Variants in MFHAS1 observed in about 807,000 individuals in gnomAD.
MFHAS1 encodes the protein multifunctional ROCO family signaling regulator 1, also known as malignant fibrous histiocytoma-amplified sequence 1.
A neutral mutation model predicts 70.4 loss-of-function variants in MFHAS1; 50 were observed. The observed-to-expected ratio is 0.71, with a 90% CI of 0.57 to 0.90. The LOEUF (loss-of-function observed/expected upper bound fraction) is 0.90. Among genes scored for constraint, MFHAS1 ranks in the 40% least tolerant of loss-of-function variants. The pLI is 0.00. For missense variants in MFHAS1, 1,795 were observed against 1,347.6 expected, an observed-to-expected ratio of 1.33 and a Z score of -5.20; for synonymous variants, 952 against 620.0, an observed-to-expected ratio of 1.54 and a Z score of -7.96.
At chr8:8,849,946 G>C (rs1038844438) in intron 1 of MFHAS1, among the ~76,000 whole-genome samples, 1 of 152,232 alleles carries the variant, frequency 6.6e-6, no homozygotes, top group Non-Finnish European at 1.5e-5. Flanking sequence ...GAAGCTGCTA[G>C]ACTTTCTCAG....
intron 1 of MFHAS1, among the ~76,000 whole-genome samples, chr8:8,834,446 C>G (rs1807525177): frequency 6.6e-6 from 1 of 152,194 alleles, no homozygotes; most frequent in Non-Finnish European, 1.5e-5. Context: ...GAGACGTGCC[C>G]TATACAAGTG....
rs762238123 is a variant in MFHAS1 at position 8,862,132 on chromosome 8, T to C, written c.2998+27929A>G. On this transcript the variant is annotated intron_variant, in intron 1 of 2. Coordinates refer to ENST00000276282, the MANE Select transcript of MFHAS1 (RefSeq NM_004225.3). The stretch of plus-strand genomic sequence containing the variant: ...AACTGTTTCCCCAAATGCTGTATCA[T>C]TTTCCACTCCCAAGAGCAGCGTAGG... Among the ~76,000 whole-genome samples, 17 of 152,220 alleles carry C rather than the reference T, an allele frequency of 1.1e-4. 1 individual carries two copies. Among genetic ancestry groups the C allele is most frequent in the Non-Finnish European group, 2.2e-4 (15 of 68,042 alleles).
At chr8:8,876,592 G>T (rs984140281) in intron 1 of MFHAS1, among the ~76,000 whole-genome samples, 1 of 151,812 alleles carries the variant, frequency 6.6e-6, no homozygotes, top group East Asian at 2.0e-4. Context: ...AAAATTAGCC[G>T]GGCATAGTGG....
At chr8:8,794,291 G>A (rs1485819522) in intron 2 of MFHAS1, among the ~76,000 whole-genome samples, 1 of 152,120 alleles carries the variant, frequency 6.6e-6, no homozygotes, top group African/African-American at 2.4e-5. Context: ...AATGTCTAGT[G>A]CCTGCTGAGA....
rs532457203 is a variant in MFHAS1, at chr8:8,810,066, T to C, written c.2999-12575A>G. On this transcript the variant is annotated intron_variant, in intron 1 of 2. Transcript: ENST00000276282. Reference sequence around the variant, plus strand: ...ACTAAGGGGAATCATGTGAAGTCCTTAATAATGATCAGAAGCCAGGCCGGG... The same window carrying C: ...ACTAAGGGGAATCATGTGAAGTCCTCAATAATGATCAGAAGCCAGGCCGGG... 9.8e-5 allele frequency among the ~76,000 whole-genome samples: 15 copies of C among 152,304 alleles called. No individual in the cohort carries two copies. The South Asian group carries it at 2.7e-3, about 27-fold the overall frequency.
rs775619271 is a variant in MFHAS1 at position 8,891,133 on chromosome 8, C to G, written c.1926G>C (p.Leu642Phe). 6.2e-7 allele frequency: 1 copy of G among 1,613,776 alleles called. No homozygotes were observed. The change falls in exon 1 of 3, where the codon TTG becomes TTC. Residue 642 changes from leucine (L) to phenylalanine (F), a missense_variant. Coordinates refer to ENST00000276282, the MANE Select transcript of MFHAS1 (RefSeq NM_004225.3). This position sits in a 1 kb window ranked among gnomAD's most constrained non-coding sequence, Gnocchi z 5.4. ...PRHLRRLRDK[L>F]LSVAEHREIF... is the part of the protein sequence containing the mutation. ...TCTCTCGGTGCTCAGCAACTGACAG[C>G]AACTTGTCCCGAAGGCGTCGTAAGT...
chr8:8,814,844 A>G (rs1272183151), intron 1 of MFHAS1, among the ~76,000 whole-genome samples: 1 of 125,450 alleles, frequency 8.0e-6, no homozygotes, highest in African/African-American at 3.0e-5. Flanking sequence ...TGCCTGCTAG[A>G]ATTTCTTTTT....
intron 1 of MFHAS1, among the ~76,000 whole-genome samples, chr8:8,842,790 A>T (rs756052844): frequency 1.3e-5 from 2 of 152,214 alleles, no homozygotes; most frequent in Non-Finnish European, 2.9e-5. Context: ...CACCATCATG[A>T]GAAATCCCAG....
At chr8:8,829,624 T>A (rs536416392) in intron 1 of MFHAS1, among the ~76,000 whole-genome samples, 3 of 152,258 alleles carry the variant, frequency 2.0e-5, no homozygotes, top group East Asian at 3.9e-4. Context: ...GAGGTTGCAG[T>A]GAGCCGAGAT....
rs1203768318 is a variant in MFHAS1, at chr8:8,794,292, C to T, written c.3125+3073G>A. Among the ~76,000 whole-genome samples the T allele has an allele frequency of 2.6e-5, 4 of 152,174 alleles. No individual in the cohort carries two copies. The South Asian group carries it at 8.3e-4, about 32-fold the overall frequency. ...AGCCCCGGACTTCCAATGTCTAGTGCCTGCTGAGACCCCAAGTCTCAGGCT... is the reference window on the plus strand; with the variant it reads ...AGCCCCGGACTTCCAATGTCTAGTGTCTGCTGAGACCCCAAGTCTCAGGCT... On this transcript the variant is annotated intron_variant, in intron 2 of 2. Transcript: ENST00000276282.
intron 1 of MFHAS1, among the ~76,000 whole-genome samples, chr8:8,808,627 G>A (rs1308038038): frequency 6.6e-6 from 1 of 152,170 alleles, no homozygotes; most frequent in Non-Finnish European, 1.5e-5. Flanking sequence ...TGTGAAAAAG[G>A]AAAAATAAAT....
intron 1 of MFHAS1, among the ~76,000 whole-genome samples, chr8:8,801,208 C>T (rs1358608531): frequency 1.3e-5 from 2 of 151,302 alleles, no homozygotes; most frequent in Non-Finnish European, 2.9e-5. Context: ...GGGTGAGACT[C>T]TGTCTCAAAA....
At position 8,892,872 on chromosome 8, in the gene MFHAS1, C is replaced by A. The variant is rs745526921; in HGVS notation, c.187G>T (p.Gly63Trp). Residue 63 changes from glycine to tryptophan, a missense_variant, in exon 1 of 3, where the codon GGG becomes TGG. By Grantham distance (184) the Gly-to-Trp change is radical. Coordinates refer to ENST00000276282, the MANE Select transcript of MFHAS1 (RefSeq NM_004225.3). The surrounding 1 kb of genome is among the most constrained non-coding windows in gnomAD (Gnocchi z 4.7). ...CCCAGGTTCAGTGCCTCAATGTCCC[C>A]GAGGTTGGCCGGCAGCACGAGCTGG... ...SPQLVLPANL[G>W]DIEALNLGNN... The A allele has an allele frequency of 4.4e-6, 7 of 1,587,604 alleles. No homozygotes were observed. In the South Asian group the frequency reaches 6.8e-5, roughly 15 times the overall value.
intron 2 of MFHAS1, among the ~76,000 whole-genome samples, chr8:8,787,241 C>CCT (rs1563173092): frequency 1.3e-5 from 2 of 152,082 alleles, no homozygotes; most frequent in Non-Finnish European, 2.9e-5. Context: ...CCACCACACG[C>CCT]GGCTAATTTT....
chr8:8,890,695 A>C lies in MFHAS1; in HGVS notation c.2364T>G (p.Tyr788Ter), dbSNP rs759540678. ...GCCCATGCAACAGAAAGCCCTCCAC[A>C]TACTGATGGAGCTGGGTGGCCCGGA... is the stretch of plus-strand genomic sequence containing the variant. ...ELLRATQLHQ[Y>*]VEGFLLHGLL... Residue 788 changes from tyrosine (Y) to a stop codon, truncating the protein, a stop_gained, in exon 1 of 3, where the codon TAT becomes TAG. Transcript: ENST00000276282. LOFTEE classifies it high-confidence loss of function. 3.1e-6 allele frequency: 5 copies of C among 1,613,492 alleles called. No individual in the cohort carries two copies. Among genetic ancestry groups the C allele is most frequent in the Non-Finnish European group, 4.2e-6 (5 of 1,179,736 alleles).
chr8:8,855,568 G>A (rs760819169), intron 1 of MFHAS1, among the ~76,000 whole-genome samples: 3 of 152,178 alleles, frequency 2.0e-5, no homozygotes, highest in Non-Finnish European at 2.9e-5. Context: ...TCGCTACAGT[G>A]TTTTCAGCCA....
intron 1 of MFHAS1, among the ~76,000 whole-genome samples, chr8:8,804,209 C>T (rs1806196779): frequency 1.3e-5 from 2 of 152,076 alleles, no homozygotes; most frequent in African/African-American, 2.4e-5. Flanking sequence ...AAAACTTACA[C>T]CATCAAAAAT....
intron 1 of MFHAS1, among the ~76,000 whole-genome samples, chr8:8,869,900 G>C (rs574520131): frequency 2.4e-4 from 36 of 152,170 alleles, no homozygotes; most frequent in African/African-American, 8.7e-4. Context: ...GACCTACCTG[G>C]GGGCCTCTAT....
intron 1 of MFHAS1, among the ~76,000 whole-genome samples, chr8:8,809,575 A>G (rs964370868): frequency 6.6e-6 from 1 of 152,166 alleles, no homozygotes; most frequent in African/African-American, 2.4e-5. Flanking sequence ...ACTTGGCTCC[A>G]TTTTGCTCGC....
Sources: gnomAD v4.1 joint callset for allele counts (sites outside exome capture counted in the v4.1 genomes callset) on GRCh38, gnomAD v4.1.1 for gene constraint, Gnocchi (gnomAD v3.1) non-coding constraint, MANE v1.5 for transcripts, NCBI Gene and HGNC (gene_info 2026-07-23, HGNC 2026-07-21) for gene names.